The following RAC3 variants were observed in gnomAD, a reference collection of about 807,000 sequenced individuals.
The protein encoded by RAC3 is Rac family small GTPase 3.
Under a neutral mutation model 19.0 loss-of-function variants are expected in RAC3, and 9 were observed. The ratio of observed to expected loss-of-function variants is 0.47; its 90% CI spans 0.29 to 0.83. RAC3 has a LOEUF of 0.83. Among genes scored for constraint, RAC3 ranks in the 40% least tolerant of loss-of-function variants. RAC3 has a pLI of 0.09. For synonymous variants in RAC3, 146 were observed against 111.8 expected, an observed-to-expected ratio of 1.31 and a Z score of -1.93; for missense variants, 203 against 260.8, an observed-to-expected ratio of 0.78 and a Z score of 1.53.
Position 82,033,847 on chromosome 17 carries a change from G to A in RAC3, c.*18G>A. 1 of 1,580,472 alleles carries A rather than the reference G, an allele frequency of 6.3e-7. No individual in the cohort carries two copies. The highest frequency in any genetic ancestry group is 2.3e-5 in the East Asian group (1 of 42,592). ...TCTTCTAGAGCCCTGGCCCACCCGA[G>A]CCTGAGGGCTGGCGGGGAGCAGCCC... is the stretch of plus-strand genomic sequence containing the variant. On this transcript the variant is annotated 3_prime_UTR_variant, in exon 6 of 6. Transcript: ENST00000306897. This position sits in a 1 kb window ranked among gnomAD's most constrained non-coding sequence, Gnocchi z 6.2.
rs932236347 is a variant in RAC3 at position 82,031,804 on chromosome 17, C to T, written c.35+8C>T. ...CGTGGTGGTCGGCGACGGGTGAGTG[C>T]GCGGCCCGGAGGCCGCTTGGCTGGG... On this transcript the variant is annotated splice_region_variant and intron_variant, in intron 1 of 5. Transcript: ENST00000306897. 7.7e-6 allele frequency: 7 copies of T among 913,010 alleles called. No individual in the cohort carries two copies. In the African/African-American group the frequency reaches 1.1e-4, roughly 14 times the overall value. The allele number at this position is 913,010 out of a possible 1,614,324, so 56.6% of individuals were successfully genotyped here. A position where few individuals can be genotyped will look rare whatever the true frequency, so the allele number is the denominator to read the frequency against.
rs756794478 is a variant in RAC3, at chr17:82,032,940, T to G, written c.226-7T>G. On this transcript the variant is annotated splice_region_variant and splice_polypyrimidine_tract_variant and intron_variant, in intron 3 of 5. Transcript: ENST00000306897. ...ACCACTCCACCAGGTCCCACCTTTTTCCCAAGGACGTCTTTCTGATCTGCT... is the reference window on the plus strand; with the variant it reads ...ACCACTCCACCAGGTCCCACCTTTTGCCCAAGGACGTCTTTCTGATCTGCT... 1.2e-6 allele frequency: 2 copies of G among 1,613,556 alleles called. No homozygotes were observed. Among genetic ancestry groups the G allele is most frequent in the East Asian group, 4.5e-5 (2 of 44,884 alleles).
At position 82,033,392 on chromosome 17, in the gene RAC3, T is replaced by C; in HGVS notation, c.289-48T>C. On this transcript the variant is annotated intron_variant, in intron 4 of 5. Transcript: ENST00000306897. This position sits in a 1 kb window ranked among gnomAD's most constrained non-coding sequence, Gnocchi z 6.2. ...GGGCCGTGACTTGCTCAGGTGGGGCTGGGGTAGCCGACTCCGGGCCTAGGG... is the reference window on the plus strand; with the variant it reads ...GGGCCGTGACTTGCTCAGGTGGGGCCGGGGTAGCCGACTCCGGGCCTAGGG... 1 of 1,527,446 alleles carries C rather than the reference T, an allele frequency of 6.5e-7. No homozygotes were observed. The highest frequency in any genetic ancestry group is 8.8e-7 in the Non-Finnish European group (1 of 1,139,112). 94.6% of individuals were successfully genotyped at this position (1,527,446 alleles called of 1,614,324 possible). A position where few individuals can be genotyped will look rare whatever the true frequency, so the allele number is the denominator to read the frequency against.
chr17:82,032,810 A>G lies in RAC3; in HGVS notation c.207A>G (p.Pro69=), dbSNP rs1439151923. ...AGGAGGACTACGATCGGCTGCGGCCACTCTCCTACCCCCAAACTGTACGTA... is the reference window on the plus strand; with the variant it reads ...AGGAGGACTACGATCGGCTGCGGCCGCTCTCCTACCCCCAAACTGTACGTA... The part of the protein sequence containing the change: ...AGQEDYDRLR[P]LSYPQTDVFL... Residue 69 remains proline (P), a synonymous_variant, in exon 3 of 6, where the codon CCA becomes CCG. Coordinates refer to ENST00000306897, the MANE Select transcript of RAC3 (RefSeq NM_005052.3). The G allele has an allele frequency of 4.3e-6, 7 of 1,612,630 alleles. No homozygotes were observed. Among genetic ancestry groups the G allele is most frequent in the South Asian group, 2.2e-5 (2 of 91,068 alleles).
Position 82,032,934 on chromosome 17 carries a change from C to G in RAC3, c.226-13C>G. ...CCCCTGACCACTCCACCAGGTCCCA[C>G]CTTTTTCCCAAGGACGTCTTTCTGA... is the stretch of plus-strand genomic sequence containing the variant. On this transcript the variant is annotated splice_polypyrimidine_tract_variant and intron_variant, in intron 3 of 5. Coordinates refer to ENST00000306897, the MANE Select transcript of RAC3 (RefSeq NM_005052.3). The G allele has an allele frequency of 6.2e-7, 1 of 1,613,498 alleles. No homozygotes were observed. The highest frequency in any genetic ancestry group is 8.5e-7 in the Non-Finnish European group (1 of 1,179,798).
In RAC3 at chr17:82,033,106, C is replaced by T. The variant is rs530767561; in HGVS notation, c.288+97C>T. 1.2e-3 allele frequency: 1,580 copies of T among 1,340,006 alleles called. 13 individuals carry two copies. The highest frequency in any genetic ancestry group is 7.2e-3 in the South Asian group (613 of 84,672). The allele number at this position is 1,340,006 out of a possible 1,614,324, so 83.0% of individuals were successfully genotyped here. On this transcript the variant is annotated intron_variant, in intron 4 of 5. Transcript: ENST00000306897. The surrounding 1 kb of genome is among the most constrained non-coding windows in gnomAD (Gnocchi z 6.2). ...GAGGCAATTGCGATACGGGTTCTGC[C>T]TGGGGTAGGCACACGGAGTGGGGTC...
rs549158082 is a variant in RAC3, at chr17:82,033,114, G to A, written c.288+105G>A. 4.8e-5 allele frequency: 62 copies of A among 1,290,242 alleles called. No individual in the cohort carries two copies. In the South Asian group the frequency reaches 7.4e-4, roughly 15 times the overall value. The allele number at this position is 1,290,242 out of a possible 1,614,324, so 79.9% of individuals were successfully genotyped here. On this transcript the variant is annotated intron_variant, in intron 4 of 5. Transcript: ENST00000306897. The surrounding 1 kb of genome is among the most constrained non-coding windows in gnomAD (Gnocchi z 6.2). ...TGCGATACGGGTTCTGCCTGGGGTAGGCACACGGAGTGGGGTCTGAAGATG... is the reference window on the plus strand; with the variant it reads ...TGCGATACGGGTTCTGCCTGGGGTAAGCACACGGAGTGGGGTCTGAAGATG...
In RAC3 at chr17:82,032,644, A is replaced by G. The variant is rs567346598; in HGVS notation, c.108-67A>G. 74 of 1,502,966 alleles carry G rather than the reference A, an allele frequency of 4.9e-5. No homozygotes were observed. The African/African-American group carries it at 1.0e-3, about 20-fold the overall frequency. The allele number at this position is 1,502,966 out of a possible 1,614,324, so 93.1% of individuals were successfully genotyped here. ...TGCAGACTTGTGAACCCCAAGACAC[A>G]GGCCAGCAGGGCTGGGGGTTTCTGG... On this transcript the variant is annotated intron_variant, in intron 2 of 5. Coordinates refer to ENST00000306897, the MANE Select transcript of RAC3 (RefSeq NM_005052.3).
rs1239263393 is a variant in RAC3, at chr17:82,032,382, C to G, written c.36-5C>G. ...CGGGAGCCACGTGGCTTGCCCTGTC[C>G]GCAGCGCCGTGGGGAAGACATGCTT... On this transcript the variant is annotated splice_region_variant and splice_polypyrimidine_tract_variant and intron_variant, in intron 1 of 5. Transcript: ENST00000306897. 2.0e-5 allele frequency: 33 copies of G among 1,612,524 alleles called. No individual in the cohort carries two copies. In the East Asian group the frequency reaches 7.4e-4, roughly 36 times the overall value.
At position 82,033,927 on chromosome 17, in the gene RAC3, G is replaced by A; in HGVS notation, c.*98G>A. On this transcript the variant is annotated 3_prime_UTR_variant, in exon 6 of 6. Transcript: ENST00000306897. This position sits in a 1 kb window ranked among gnomAD's most constrained non-coding sequence, Gnocchi z 6.2. The stretch of plus-strand genomic sequence containing the variant: ...GTGGTGTCCCTGAGTCGGCTGTGGG[G>A]AGCGGTGGGGGTGGGCCGGGGGGAA... 1 of 1,442,260 alleles carries A rather than the reference G, an allele frequency of 6.9e-7. No individual in the cohort carries two copies. The allele number at this position is 1,442,260 out of a possible 1,614,324, so 89.3% of individuals were successfully genotyped here.
intron 2 of RAC3, 125 bp downstream of exon 2, chr17:82,032,583 G>T: frequency 1.4e-6 from 2 of 1,443,170 alleles, no homozygotes; most frequent in Admixed American, 1.7e-5. Context: ...GGGCTTCCCG[G>T]CTGGAGCTGA....
Position 82,033,680 on chromosome 17 carries a change from C to G in RAC3, c.449-19C>G. 1.2e-6 allele frequency: 2 copies of G among 1,610,086 alleles called. No homozygotes were observed. Among genetic ancestry groups the G allele is most frequent in the Non-Finnish European group, 1.7e-6 (2 of 1,177,700 alleles). On this transcript the variant is annotated intron_variant, in intron 5 of 5. Coordinates refer to ENST00000306897, the MANE Select transcript of RAC3 (RefSeq NM_005052.3). This position sits in a 1 kb window ranked among gnomAD's most constrained non-coding sequence, Gnocchi z 6.2. ...CCCTGTACCCCACCCTCACTGTCTCCCCTCCTCACTGCCGCTAGGCTCTGT... is the reference window on the plus strand; with the variant it reads ...CCCTGTACCCCACCCTCACTGTCTCGCCTCCTCACTGCCGCTAGGCTCTGT...
chr17:82,033,981 C>A lies in RAC3; in HGVS notation c.*152C>A, dbSNP rs1025767397. On this transcript the variant is annotated 3_prime_UTR_variant, in exon 6 of 6. Transcript: ENST00000306897. This position sits in a 1 kb window ranked among gnomAD's most constrained non-coding sequence, Gnocchi z 6.2. ...TGGGGATGAGGCTGGGTGGCAGGAT[C>A]CTGTCCTCTCTGCCGCCTCATTCTG... The A allele has an allele frequency of 3.8e-6, 4 of 1,040,440 alleles. No individual in the cohort carries two copies. The highest frequency in any genetic ancestry group is 5.4e-6 in the Non-Finnish European group (4 of 737,690). 64.5% of individuals were successfully genotyped at this position (1,040,440 alleles called of 1,614,324 possible).
chr17:82,031,838 G>A (rs1598458258), intron 1 of RAC3, 42 bp downstream of exon 1: 1 of 861,802 alleles, frequency 1.2e-6, no homozygotes, highest in Non-Finnish European at 1.4e-6. Context: ...GGCTGGGCGG[G>A]AGGGGGGCTC....
In RAC3 at chr17:82,032,815, C is replaced by G; in HGVS notation, c.212C>G (p.Ser71Cys). Residue 71 changes from serine to cysteine, a missense_variant, in exon 3 of 6, where the codon TCC becomes TGC. By Grantham distance (112) the Ser-to-Cys change is moderately radical. Around this residue, in one of 3 missense-constraint regions of RAC3, gnomAD observed 12 missense variants for 35.2 expected, o/e 0.34. Transcript: ENST00000306897. ...QEDYDRLRPL[S>C]YPQTDVFLIC... The stretch of plus-strand genomic sequence containing the variant: ...GACTACGATCGGCTGCGGCCACTCT[C>G]CTACCCCCAAACTGTACGTAACAAT... 2 of 1,613,004 alleles carry G rather than the reference C, an allele frequency of 1.2e-6. No individual in the cohort carries two copies. Among genetic ancestry groups the G allele is most frequent in the Non-Finnish European group, 1.7e-6 (2 of 1,179,962 alleles).
At position 82,032,802 on chromosome 17, in the gene RAC3, C is replaced by T. The variant is rs770672996; in HGVS notation, c.199C>T (p.Leu67=). Residue 67 remains leucine (L), a synonymous_variant, in exon 3 of 6, where the codon CTG becomes TTG. Transcript: ENST00000306897. ...DTAGQEDYDR[L]RPLSYPQTDV... Reference sequence around the variant, plus strand: ...AGCGGGTCAGGAGGACTACGATCGGCTGCGGCCACTCTCCTACCCCCAAAC... The same window carrying T: ...AGCGGGTCAGGAGGACTACGATCGGTTGCGGCCACTCTCCTACCCCCAAAC... The T allele has an allele frequency of 3.7e-6, 6 of 1,613,040 alleles. No individual in the cohort carries two copies. The highest frequency in any genetic ancestry group is 5.1e-6 in the Non-Finnish European group (6 of 1,179,982).
chr17:82,033,402 G>A lies in RAC3; in HGVS notation c.289-38G>A, dbSNP rs761202424. 2.5e-5 allele frequency: 38 copies of A among 1,542,896 alleles called. No homozygotes were observed. Among genetic ancestry groups the A allele is most frequent in the Middle Eastern group, 2.2e-4 (1 of 4,538 alleles). On this transcript the variant is annotated intron_variant, in intron 4 of 5. Transcript: ENST00000306897. This position sits in a 1 kb window ranked among gnomAD's most constrained non-coding sequence, Gnocchi z 6.2. ...TTGCTCAGGTGGGGCTGGGGTAGCC[G>A]ACTCCGGGCCTAGGGATCAGAGCGT... is the stretch of plus-strand genomic sequence containing the variant.
At chr17:82,031,990 G>C (rs2043434746) in intron 1 of RAC3, 194 bp downstream of exon 1, 2 of 183,558 alleles carry the variant, frequency 1.1e-5, no homozygotes, top group African/African-American at 4.8e-5. Flanking sequence ...CGGGCCTCCA[G>C]CTCGGGCCCA....
intron 1 of RAC3, 157 bp from the exon 2 acceptor site, chr17:82,032,230 C>T (rs982894099): frequency 2.7e-5 from 18 of 666,716 alleles, no homozygotes; most frequent in South Asian, 3.7e-5. Context: ...CCCAGGTCGT[C>T]CTCCAGCCTT....
Sources: allele counts gnomAD v4.1 joint callset, GRCh38; gene constraint gnomAD v4.1.1; regional missense constraint gnomAD v4.1.1; non-coding constraint Gnocchi (gnomAD v3.1); transcripts MANE v1.5; gene names NCBI Gene and HGNC (gene_info 2026-07-23, HGNC 2026-07-21).